ATP8A2: variants seen among roughly 807,000 people sequenced by gnomAD.
The protein encoded by ATP8A2 is phospholipid-transporting ATPase IB.
In ATP8A2, 100 loss-of-function variants were observed where a neutral mutation model predicts 165.6. The observed-to-expected ratio is 0.60, with a 90% confidence interval of 0.51 to 0.71. ATP8A2 has a LOEUF of 0.71. ATP8A2 is among the 30% of genes least tolerant of loss of function. The pLI, the probability that ATP8A2 is intolerant of heterozygous loss-of-function variation, is 0.00. For missense variants in ATP8A2, 1,227 were observed against 1,479.5 expected, an observed-to-expected ratio of 0.83 and a Z score of 2.80; for synonymous variants, 543 against 548.8, an observed-to-expected ratio of 0.99 and a Z score of 0.15.
intron 1 of ATP8A2, among the ~76,000 whole-genome samples, chr13:25,406,399 A>G (rs2138041147): frequency 6.6e-6 from 1 of 152,342 alleles, no homozygotes; most frequent in Admixed American, 6.5e-5. Flanking sequence ...TACAGCAGAA[A>G]CAATAGGTAA....
chr13:25,830,336 G>C (rs1031496660), intron 28 of ATP8A2, among the ~76,000 whole-genome samples: 1 of 152,072 alleles, frequency 6.6e-6, no homozygotes, highest in Non-Finnish European at 1.5e-5. Context: ...ATGACCCTAG[G>C]GTTGAGATTA....
intron 25 of ATP8A2, among the ~76,000 whole-genome samples, chr13:25,736,156 C>A (rs1462913725): frequency 1.3e-5 from 2 of 152,168 alleles, no homozygotes; most frequent in East Asian, 3.9e-4. Context: ...GTTATACCAT[C>A]TGGGTTTGTG....
intron 24 of ATP8A2, among the ~76,000 whole-genome samples, chr13:25,632,832 C>G (rs1324772622): frequency 6.6e-6 from 1 of 152,148 alleles, no homozygotes; most frequent in African/African-American, 2.4e-5. Flanking sequence ...AGCCGGGAAG[C>G]TGCCCTCTTG....
At chr13:25,491,950 T>A (rs1291723743) in intron 2 of ATP8A2, among the ~76,000 whole-genome samples, 1 of 152,206 alleles carries the variant, frequency 6.6e-6, no homozygotes, top group East Asian at 1.9e-4. Flanking sequence ...AAATTCAAGT[T>A]GTTACATAGA....
intron 35 of ATP8A2, among the ~76,000 whole-genome samples, chr13:25,975,244 G>A (rs964673642): frequency 6.6e-6 from 1 of 152,138 alleles, no homozygotes; most frequent in East Asian, 1.9e-4. Flanking sequence ...CTGTGCTGAT[G>A]GCAGCCTGAG....
chr13:25,781,132 A>G (rs1476637322), intron 27 of ATP8A2, among the ~76,000 whole-genome samples: 1 of 152,116 alleles, frequency 6.6e-6, no homozygotes, highest in African/African-American at 2.4e-5. Flanking sequence ...GCATGGTGGC[A>G]GGTGCCTGTA....
intron 27 of ATP8A2, among the ~76,000 whole-genome samples, chr13:25,817,699 T>C (rs1358336133): frequency 3.3e-5 from 5 of 152,124 alleles, no homozygotes; most frequent in African/African-American, 1.2e-4. Context: ...TTTTTTGTTT[T>C]GTTTTTTGTT....
chr13:25,798,216 T>G (rs1950535780), intron 27 of ATP8A2, among the ~76,000 whole-genome samples: 1 of 152,228 alleles, frequency 6.6e-6, no homozygotes, highest in South Asian at 2.1e-4. Context: ...CAAGTTTGTT[T>G]CATTTGCACT....
intron 2 of ATP8A2, among the ~76,000 whole-genome samples, chr13:25,491,506 G>A (rs1249304443): frequency 1.3e-5 from 2 of 152,212 alleles, no homozygotes; most frequent in Non-Finnish European, 2.9e-5. Context: ...GGGATTGCAA[G>A]TGTGAGTCAC....
chr13:25,603,021 G>A (rs920014127), intron 24 of ATP8A2, among the ~76,000 whole-genome samples: 2 of 152,096 alleles, frequency 1.3e-5, no homozygotes, highest in South Asian at 2.1e-4. Flanking sequence ...GCCGTGAGCC[G>A]AGATCGTGCC....
chr13:25,517,286 A>G (rs1268651237), intron 2 of ATP8A2: 3 of 152,066 alleles, frequency 2.0e-5, no homozygotes, highest in African/African-American at 7.2e-5. Context: ...CAATAATGTC[A>G]CTTTTAATGA....
intron 25 of ATP8A2, among the ~76,000 whole-genome samples, chr13:25,700,747 T>G (rs1326217081): frequency 6.6e-6 from 1 of 152,212 alleles, no homozygotes; most frequent in African/African-American, 2.4e-5. Context: ...GGTCATGCAG[T>G]AACTCCATGT....
At chr13:25,678,894 A>G (rs2042426357) in intron 24 of ATP8A2, among the ~76,000 whole-genome samples, 4 of 152,196 alleles carry the variant, frequency 2.6e-5, no homozygotes, top group Admixed American at 6.5e-5. Context: ...AAGCTGTAAC[A>G]TGCTACAAAA....
At chr13:25,973,618 G>A (rs149624190) in intron 35 of ATP8A2, among the ~76,000 whole-genome samples, 1 of 152,294 alleles carries the variant, frequency 6.6e-6, no homozygotes, top group East Asian at 1.9e-4. Flanking sequence ...TTCTGAGTGA[G>A]TACTCAACTC....
chr13:25,442,060 T>TG (rs2034946058), intron 1 of ATP8A2, among the ~76,000 whole-genome samples: 1 of 152,252 alleles, frequency 6.6e-6, no homozygotes, highest in African/African-American at 2.4e-5. Context: ...GAAGCACGTG[T>TG]CAGAATTTCC....
chr13:25,623,887 C>CCT (rs2041037465), intron 24 of ATP8A2, among the ~76,000 whole-genome samples: 1 of 150,642 alleles, frequency 6.6e-6, no homozygotes, highest in African/African-American at 2.5e-5. Context: ...CCTATATATG[C>CCT]ATATATCTAT....
At chr13:25,526,896 C>A (rs2037859507) in intron 2 of ATP8A2, among the ~76,000 whole-genome samples, 1 of 152,122 alleles carries the variant, frequency 6.6e-6, no homozygotes, top group African/African-American at 2.4e-5. Context: ...GGGAAGCTGC[C>A]CGTCACCTTG....
At chr13:25,414,806 C>G (rs1054873087) in intron 1 of ATP8A2, among the ~76,000 whole-genome samples, 1 of 152,198 alleles carries the variant, frequency 6.6e-6, no homozygotes, top group Non-Finnish European at 1.5e-5. Context: ...ATACTTCATT[C>G]TGAGAGAATT....
intron 33 of ATP8A2, among the ~76,000 whole-genome samples, chr13:25,921,445 G>A (rs1201392851): frequency 2.7e-5 from 4 of 149,584 alleles, no homozygotes; most frequent in African/African-American, 9.9e-5. Context: ...GTGAAACCCT[G>A]TCTCTGCTAA....
Sources: gnomAD v4.1 joint callset for allele counts (sites outside exome capture counted in the v4.1 genomes callset) on GRCh38, gnomAD v4.1.1 for gene constraint, MANE v1.5 for transcripts, NCBI Gene and HGNC (gene_info 2026-07-23, HGNC 2026-07-21) for gene names.